The following CEP250 variants were observed in gnomAD, a reference collection of about 807,000 sequenced individuals.
The protein encoded by CEP250 is centrosome-associated protein CEP250.
Under a neutral mutation model 315.7 loss-of-function variants are expected in CEP250, and 242 were observed. That is an observed-to-expected ratio of 0.77 (90% CI 0.69 to 0.85). The LOEUF (loss-of-function observed/expected upper bound fraction) is 0.85. CEP250 is among the 40% of genes least tolerant of loss of function. CEP250 has a pLI of 0.00. For missense variants in CEP250, 2,515 were observed against 2,886.4 expected (o/e 0.87, Z 2.95); for synonymous variants, 1,088 against 1,175.0 (o/e 0.93, Z 1.51).
chr20:35,466,738 A>G (rs1221702595), intron 7 of CEP250, among the ~76,000 whole-genome samples: 2 of 152,172 alleles, frequency 1.3e-5, no homozygotes, highest in Non-Finnish European at 2.9e-5. Flanking sequence ...TCCTTTTCTA[A>G]TCTGGCCCAG....
At chr20:35,470,020 C>A in intron 10 of CEP250, 34 bp downstream of exon 10, 1 of 1,455,568 alleles carries the variant, frequency 6.9e-7, no homozygotes, top group Non-Finnish European at 9.7e-7. Flanking sequence ...AGGAGTTGGG[C>A]GTGGGCTTGT....
chr20:35,467,254 T>TC, intron 8 of CEP250, 50 bp from the exon 9 acceptor site: 1 of 1,586,292 alleles, frequency 6.3e-7, no homozygotes, highest in Non-Finnish European at 8.6e-7. Flanking sequence ...ATCACCACAC[T>TC]CCTTCCCTGG....
At chr20:35,509,915 G>A in intron 33 of CEP250, 83 bp from the exon 34 acceptor site, 1 of 1,261,704 alleles carries the variant, frequency 7.9e-7, no homozygotes. Context: ...CCCTAAGATT[G>A]TGATGAGGTT....
chr20:35,508,998 G>C lies in CEP250; in HGVS notation c.6962G>C (p.Gly2321Ala), dbSNP rs374249192. The change falls in exon 33 of 35, where the codon GGG becomes GCG. Residue 2321 changes from glycine to alanine, a missense_variant. Physicochemically the swap from Gly to Ala is moderately conservative, Grantham distance 60. Coordinates refer to ENST00000397527, the MANE Select transcript of CEP250 (RefSeq NM_007186.6). The part of the protein sequence containing the change: ...KREAMRAAQA[G>A]SLEISKATAS... ...GAGGCCATGCGTGCGGCCCAGGCAG[G>C]GTCCCTAGAGATCAGCAAGGCCACG... is the stretch of plus-strand genomic sequence containing the variant. 6.4e-7 allele frequency: 1 copy of C among 1,559,124 alleles called. No individual in the cohort carries two copies. Among genetic ancestry groups the C allele is most frequent in the Non-Finnish European group, 8.7e-7 (1 of 1,150,684 alleles).
At chr20:35,457,028 C>T (rs1278936244) in intron 1 of CEP250, among the ~76,000 whole-genome samples, 2 of 152,148 alleles carry the variant, frequency 1.3e-5, no homozygotes, top group Admixed American at 6.6e-5. Context: ...ATGATCTGCC[C>T]AACTCAGCCT....
chr20:35,507,650 A>T (rs1568844838), intron 30 of CEP250, 88 bp from the exon 31 acceptor site: 2 of 976,338 alleles, frequency 2.0e-6, no homozygotes, highest in Admixed American at 2.1e-5. Context: ...CCTGAGGAGA[A>T]CATTGAACCG....
chr20:35,473,686 C>G, intron 13 of CEP250, 134 bp downstream of exon 13: 1 of 1,101,256 alleles, frequency 9.1e-7, no homozygotes, highest in Non-Finnish European at 1.3e-6. Flanking sequence ...CTGTTTTGCC[C>G]AGTGTTTCAC....
At position 35,502,739 on chromosome 20, in the gene CEP250, C is replaced by T; in HGVS notation, c.4370C>T (p.Ala1457Val). The T allele has an allele frequency of 1.2e-6, 2 of 1,614,234 alleles. No individual in the cohort carries two copies. Among genetic ancestry groups the T allele is most frequent in the East Asian group, 4.5e-5 (2 of 44,892 alleles). The change falls in exon 30 of 35, where the codon GCT (alanine) becomes GTT (valine). Residue 1457 changes from alanine to valine, a missense_variant. By Grantham distance (64) the Ala-to-Val change is moderately conservative. Coordinates refer to ENST00000397527, the MANE Select transcript of CEP250 (RefSeq NM_007186.6). ...AAGCAACGGGAAATGCAGAAGGCTG[C>T]TTTGGAATTGCTGTCTCTGGACCTG... is the stretch of plus-strand genomic sequence containing the variant. ...LEKQREMQKA[A>V]LELLSLDLKK...
Position 35,494,588 on chromosome 20 carries a change from T to C in CEP250, c.3098T>C (p.Val1033Ala), listed in dbSNP as rs772843045. 1.2e-6 allele frequency: 2 copies of C among 1,613,804 alleles called. No individual in the cohort carries two copies. The highest frequency in any genetic ancestry group is 1.7e-6 in the Non-Finnish European group (2 of 1,179,992). Residue 1033 changes from valine to alanine, a missense_variant, in exon 24 of 35, where the codon GTT becomes GCT. Physicochemically the swap from Val to Ala is moderately conservative, Grantham distance 64. Coordinates refer to ENST00000397527, the MANE Select transcript of CEP250 (RefSeq NM_007186.6). ...TCCCAGAGGCTGGTGGAGCAGGAGGTTCAGGAGAAGCTGAGAGAGACCCAG... is the reference window on the plus strand; with the variant it reads ...TCCCAGAGGCTGGTGGAGCAGGAGGCTCAGGAGAAGCTGAGAGAGACCCAG... ...DDSQRLVEQE[V>A]QEKLRETQEY...
chr20:35,510,107 T>A, intron 34 of CEP250, 53 bp downstream of exon 34: 2 of 1,515,338 alleles, frequency 1.3e-6, no homozygotes, highest in Non-Finnish European at 1.8e-6. Flanking sequence ...TCAGGCCCTT[T>A]GTGCACCTCC....
intron 10 of CEP250, among the ~76,000 whole-genome samples, chr20:35,470,911 C>T (rs1380538731): frequency 6.6e-6 from 1 of 152,198 alleles, no homozygotes; most frequent in Non-Finnish European, 1.5e-5. Context: ...TGGTCATTGG[C>T]TTAACATCTG....
Position 35,493,554 on chromosome 20 carries a change from G to A in CEP250, c.3015G>A (p.Lys1005=). 1 of 1,567,572 alleles carries A rather than the reference G, an allele frequency of 6.4e-7. No homozygotes were observed. The highest frequency in any genetic ancestry group is 8.6e-7 in the Non-Finnish European group (1 of 1,158,932). Reference sequence around the variant, plus strand: ...AGAGCAGCTCCCTGCTGCAGGATAAGATGGACCTGCAGAAGCAGGTCCCCT... The same window carrying A: ...AGAGCAGCTCCCTGCTGCAGGATAAAATGGACCTGCAGAAGCAGGTCCCCT... ...QEESSSLLQD[K]MDLQKQVEDL... is the part of the protein sequence containing the mutation. The change falls in exon 23 of 35, where the codon AAG becomes AAA. Residue 1005 remains lysine (K), a synonymous_variant. Transcript: ENST00000397527.
intron 30 of CEP250, 144 bp downstream of exon 30, chr20:35,505,149 A>G: frequency 1.5e-6 from 1 of 679,790 alleles, no homozygotes; most frequent in Non-Finnish European, 2.5e-6. Context: ...GGTGGGATTC[A>G]GGCTACTGTG....
rs187686626 is a variant in CEP250, at chr20:35,489,873, C to A, written c.2587-764C>A. On this transcript the variant is annotated intron_variant, in intron 20 of 34. Transcript: ENST00000397527. The stretch of plus-strand genomic sequence containing the variant: ...GTTACAACTGTCAACCACAATGTGG[C>A]TGCTTTAAAGATAACAAATACGGAG... Among the ~76,000 whole-genome samples, 12 of 152,302 alleles carry A rather than the reference C, an allele frequency of 7.9e-5. No homozygotes were observed. In the East Asian group the frequency reaches 2.3e-3, roughly 29 times the overall value.
chr20:35,502,860 G>T lies in CEP250; in HGVS notation c.4491G>T (p.Gln1497His). 6.2e-7 allele frequency: 1 copy of T among 1,614,240 alleles called. No homozygotes were observed. The highest frequency in any genetic ancestry group is 8.5e-7 in the Non-Finnish European group (1 of 1,180,040). ...TAGAGCATCTGCCCATGGCCGTCCA[G>T]GAGCGAGAGCAGAAGCTGACTGTGC... ...SVLEHLPMAV[Q>H]EREQKLTVQR... The change falls in exon 30 of 35, where the codon CAG becomes CAT. Residue 1497 changes from glutamine (Q) to histidine (H), a missense_variant. By Grantham distance (24) the Gln-to-His change is conservative (BLOSUM62 0). Coordinates refer to ENST00000397527, the MANE Select transcript of CEP250 (RefSeq NM_007186.6).
At chr20:35,475,160 G>T (rs114294549) in intron 14 of CEP250, among the ~76,000 whole-genome samples, 4 of 152,180 alleles carry the variant, frequency 2.6e-5, no homozygotes, top group Non-Finnish European at 5.9e-5. Context: ...AAGATACACA[G>T]AGAAGTCTCA....
intron 20 of CEP250, among the ~76,000 whole-genome samples, chr20:35,480,853 G>T (rs950362226): frequency 1.3e-5 from 2 of 152,002 alleles, no homozygotes; most frequent in African/African-American, 2.4e-5. Flanking sequence ...CTCCTAAAGT[G>T]CAGGGTACAG....
At position 35,509,084 on chromosome 20, in the gene CEP250, A is replaced by G. The variant is rs550440833; in HGVS notation, c.7008+40A>G. 6.0e-6 allele frequency: 9 copies of G among 1,499,806 alleles called. No individual in the cohort carries two copies. The South Asian group carries it at 7.2e-5, about 12-fold the overall frequency. The allele number at this position is 1,499,806 out of a possible 1,614,324, so 92.9% of individuals were successfully genotyped here. The stretch of plus-strand genomic sequence containing the variant: ...CTCAGCTGCAGCCTTAGAGAGCCCA[A>G]CCCCAGCCACCAGAAACTCAGCCCT... On this transcript the variant is annotated intron_variant, in intron 33 of 34. Transcript: ENST00000397527.
chr20:35,502,987 T>TC lies in CEP250; in HGVS notation c.4621dup (p.Gln1541ProfsTer73). ...TGAGAAGAAAGACCAAATGATTGAG[T>TC]CCCAGAGAGGACAGGTTCAGGACCT... On this transcript the variant is annotated frameshift_variant, in exon 30 of 35. Coordinates refer to ENST00000397527, the MANE Select transcript of CEP250 (RefSeq NM_007186.6). LOFTEE classifies it high-confidence loss of function. The TC allele has an allele frequency of 6.2e-7, 1 of 1,613,872 alleles. No individual in the cohort carries two copies. Among genetic ancestry groups the TC allele is most frequent in the Non-Finnish European group, 8.5e-7 (1 of 1,179,974 alleles).
Sources: allele counts gnomAD v4.1 joint callset (sites outside exome capture counted in the v4.1 genomes callset), GRCh38; gene constraint gnomAD v4.1.1; transcripts MANE v1.5; gene names NCBI Gene and HGNC (gene_info 2026-07-23, HGNC 2026-07-21).